STN1: variants seen among roughly 807,000 people sequenced by gnomAD.
STN1 encodes STN1 subunit of CST complex.
A neutral mutation model predicts 45.5 loss-of-function variants in STN1; 29 were observed. The ratio of observed to expected loss-of-function variants is 0.64; its 90% confidence interval spans 0.47 to 0.87. The LOEUF (loss-of-function observed/expected upper bound fraction) is 0.87. STN1 is among the 40% of genes least tolerant of loss of function. The pLI, the probability that STN1 is intolerant of heterozygous loss-of-function variation, is 0.00. For synonymous variants in STN1, 148 were observed against 159.0 expected, an observed-to-expected ratio of 0.93 and a Z score of 0.52; for missense variants, 376 against 441.4, an observed-to-expected ratio of 0.85 and a Z score of 1.33.
At chr10:103,899,130 GC>G in intron 5 of STN1, 130 bp from the exon 6 acceptor site, 1 of 893,268 alleles carries the variant, frequency 1.1e-6, no homozygotes, top group Non-Finnish European at 1.7e-6. Context: ...CCTTGTGAGT[GC>G]CCAGGGATCA....
intron 8 of STN1, among the ~76,000 whole-genome samples, chr10:103,891,252 G>A (rs1843137548): frequency 6.6e-6 from 1 of 152,218 alleles, no homozygotes; most frequent in African/African-American, 2.4e-5. Flanking sequence ...AAAAAGGAAT[G>A]TCTAAAAAAT....
intron 5 of STN1, among the ~76,000 whole-genome samples, chr10:103,899,433 G>A (rs550878117): frequency 3.9e-5 from 6 of 152,338 alleles, no homozygotes; most frequent in South Asian, 2.1e-4. Flanking sequence ...AGTGGCACAC[G>A]GCTGTAATCC....
Position 103,881,254 on chromosome 10 carries a change from G to A in STN1, c.*1430C>T, listed in dbSNP as rs1486354988. On this transcript the variant is annotated 3_prime_UTR_variant, in exon 10 of 10. Transcript: ENST00000224950. Reference sequence around the variant, plus strand: ...CCATCTCCTTGAGATAAACCCCTAAGAGCAGAGTTGCTATAGGCAAGGGTA... The same window carrying A: ...CCATCTCCTTGAGATAAACCCCTAAAAGCAGAGTTGCTATAGGCAAGGGTA... Among the ~76,000 whole-genome samples the A allele has an allele frequency of 1.3e-5, 2 of 152,168 alleles. No individual in the cohort carries two copies. The highest frequency in any genetic ancestry group is 4.8e-5 in the African/African-American group (2 of 41,432).
chr10:103,890,972 T>C (rs893418784), intron 8 of STN1, among the ~76,000 whole-genome samples: 1 of 152,182 alleles, frequency 6.6e-6, no homozygotes, highest in Non-Finnish European at 1.5e-5. Flanking sequence ...ATTAAAGGTA[T>C]GCAGCAAAAG....
In STN1 at chr10:103,878,643, G is replaced by A. The variant is rs993587309; in HGVS notation, c.*4041C>T. The A allele has an allele frequency of 2.6e-5, 4 of 152,200 alleles. No individual in the cohort carries two copies. The highest frequency in any genetic ancestry group is 9.7e-5 in the African/African-American group (4 of 41,434). The allele number at this position is 152,200 out of a possible 1,614,324, so 9.4% of individuals were successfully genotyped here. A position where few individuals can be genotyped will look rare whatever the true frequency, so the allele number is the denominator to read the frequency against. ...CTAATTATAAAAATGCCAAAGGATAGCTATGTGGGGTAAAAAGCACCTGAG... is the reference window on the plus strand; with the variant it reads ...CTAATTATAAAAATGCCAAAGGATAACTATGTGGGGTAAAAAGCACCTGAG... On this transcript the variant is annotated 3_prime_UTR_variant, in exon 10 of 10. Coordinates refer to ENST00000224950, the MANE Select transcript of STN1 (RefSeq NM_024928.5).
In STN1 at chr10:103,905,071, A is replaced by C; in HGVS notation, c.295+20T>G. On this transcript the variant is annotated intron_variant, in intron 4 of 9. Coordinates refer to ENST00000224950, the MANE Select transcript of STN1 (RefSeq NM_024928.5). ...CCATTAGTTAGGTGAAAAGTAAAGGAATGTGGCAAATAAAATTACCTGATA... is the reference window on the plus strand; with the variant it reads ...CCATTAGTTAGGTGAAAAGTAAAGGCATGTGGCAAATAAAATTACCTGATA... 6.2e-7 allele frequency: 1 copy of C among 1,607,098 alleles called. No homozygotes were observed. Among genetic ancestry groups the C allele is most frequent in the East Asian group, 2.2e-5 (1 of 44,830 alleles).
intron 3 of STN1, 50 bp from the exon 4 acceptor site, chr10:103,905,206 G>C (rs1461297727): frequency 2.7e-6 from 4 of 1,475,062 alleles, no homozygotes; most frequent in Non-Finnish European, 3.8e-6. Flanking sequence ...CAAGGCTGGT[G>C]AATTAGCATG....
chr10:103,878,377 T>C lies in STN1; in HGVS notation c.*4307A>G, dbSNP rs573136059. The C allele has an allele frequency of 7.2e-5, 11 of 152,346 alleles. No homozygotes were observed. Among genetic ancestry groups the C allele is most frequent in the African/African-American group, 2.6e-4 (11 of 41,584 alleles). 9.4% of individuals were successfully genotyped at this position (152,346 alleles called of 1,614,324 possible). A position where few individuals can be genotyped will look rare whatever the true frequency, so the allele number is the denominator to read the frequency against. On this transcript the variant is annotated 3_prime_UTR_variant, in exon 10 of 10. Coordinates refer to ENST00000224950, the MANE Select transcript of STN1 (RefSeq NM_024928.5). Reference sequence around the variant, plus strand: ...AGAGTTTTCTAAGAGTCCCTCATGTTCTTAGAGTTCTGATGTTGCTTAGAA... The same window carrying C: ...AGAGTTTTCTAAGAGTCCCTCATGTCCTTAGAGTTCTGATGTTGCTTAGAA...
At chr10:103,899,682 G>C (rs1442552067) in intron 5 of STN1, among the ~76,000 whole-genome samples, 2 of 149,862 alleles carry the variant, frequency 1.3e-5, no homozygotes, top group Non-Finnish European at 2.9e-5. Flanking sequence ...GTAAGACTCT[G>C]TCTCAAAAAA....
At chr10:103,910,459 A>T (rs554516247) in intron 3 of STN1, 68 bp downstream of exon 3, 2 of 1,084,246 alleles carry the variant, frequency 1.8e-6, no homozygotes, top group Non-Finnish European at 2.8e-6. Context: ...GGGCTGCTGA[A>T]ATCCAACTTT....
rs200248252 is a variant in STN1 at position 103,917,547 on chromosome 10, C to T, written c.48G>A (p.Leu16=). The change falls in exon 2 of 10, where the codon TTG becomes TTA. Residue 16 remains leucine (L), a synonymous_variant. Transcript: ENST00000224950. ...SRCEEETPSL[L]WGLDPVFLAF... is the part of the protein sequence containing the mutation. ...CTAGAAACACAGGATCCAAACCCCACAAGAGGGAAGGGGTCTCCTCTTCAC... is the reference window on the plus strand; with the variant it reads ...CTAGAAACACAGGATCCAAACCCCATAAGAGGGAAGGGGTCTCCTCTTCAC... 6.2e-7 allele frequency: 1 copy of T among 1,614,174 alleles called. No homozygotes were observed. The highest frequency in any genetic ancestry group is 1.7e-5 in the Admixed American group (1 of 60,032).
rs1472941944 is a variant in STN1, at chr10:103,904,974, A to G, written c.295+117T>C. The G allele has an allele frequency of 9.0e-6, 8 of 887,694 alleles. No homozygotes were observed. In the African/African-American group the frequency reaches 9.9e-5, roughly 11 times the overall value. The allele number at this position is 887,694 out of a possible 1,614,324, so 55.0% of individuals were successfully genotyped here. ...TGGGTATAGTGCTTCAGGTAGATCA[A>G]TGTAACTCACCAGCAGATAAATGTG... On this transcript the variant is annotated intron_variant, in intron 4 of 9. Coordinates refer to ENST00000224950, the MANE Select transcript of STN1 (RefSeq NM_024928.5).
intron 2 of STN1, among the ~76,000 whole-genome samples, chr10:103,914,351 TATATATATATA>T (rs1843311117): frequency 6.6e-5 from 1 of 15,144 alleles, no homozygotes; most frequent in Admixed American, 8.4e-4. Flanking sequence ...TATATATATA[TATATATATATA>T]TATATATATA....
rs1372298130 is a variant in STN1, at chr10:103,900,191, T to C, written c.328A>G (p.Thr110Ala). The change falls in exon 5 of 10, where the codon ACC becomes GCC. Residue 110 changes from threonine (T) to alanine (A), a missense_variant. Coordinates refer to ENST00000224950, the MANE Select transcript of STN1 (RefSeq NM_024928.5). ...TCTTGTAGCTTCTTAAGTTGTGAGG[T>C]TAAGCTGAGCTCTCTTGCTGCACTT... ...APSAARELSLTSQLKKLQETI... is the reference protein window; with the variant it reads ...APSAARELSLASQLKKLQETI... The C allele has an allele frequency of 6.2e-7, 1 of 1,614,172 alleles. No homozygotes were observed. Among genetic ancestry groups the C allele is most frequent in the African/African-American group, 1.3e-5 (1 of 75,062 alleles).
chr10:103,906,962 G>A (rs892908713), intron 3 of STN1, among the ~76,000 whole-genome samples: 3 of 152,142 alleles, frequency 2.0e-5, no homozygotes, highest in Non-Finnish European at 4.4e-5. Context: ...AACAGGCATC[G>A]GATTGTGAAA....
chr10:103,896,028 C>T (rs1162179945), intron 7 of STN1, among the ~76,000 whole-genome samples: 1 of 152,180 alleles, frequency 6.6e-6, no homozygotes, highest in African/African-American at 2.4e-5. Flanking sequence ...AGAGTACACA[C>T]AAGCACAGAC....
intron 9 of STN1, among the ~76,000 whole-genome samples, chr10:103,884,805 C>G (rs1843092847): frequency 6.6e-6 from 1 of 152,176 alleles, no homozygotes; most frequent in African/African-American, 2.4e-5. Context: ...AGGCCCTTTC[C>G]AACCCTAAGG....
intron 2 of STN1, among the ~76,000 whole-genome samples, chr10:103,913,721 G>A (rs895455350): frequency 2.6e-5 from 4 of 152,134 alleles, no homozygotes; most frequent in Non-Finnish European, 2.9e-5. Context: ...GAGAGCTCAG[G>A]AAAGTTGGAT....
At position 103,882,640 on chromosome 10, in the gene STN1, GC is replaced by G. The variant is rs1843076480; in HGVS notation, c.*43del. ...TGAAAGTCAGAGCCTGGGGGTGAATGCCACCTTATCTTTGTCCTCCTCAGCT... is the reference window on the plus strand; with the variant it reads ...TGAAAGTCAGAGCCTGGGGGTGAATGCACCTTATCTTTGTCCTCCTCAGCT... On this transcript the variant is annotated 3_prime_UTR_variant, in exon 10 of 10. Transcript: ENST00000224950. 1.3e-6 allele frequency: 2 copies of G among 1,558,824 alleles called. No homozygotes were observed. Among genetic ancestry groups the G allele is most frequent in the East Asian group, 4.6e-5 (2 of 43,792 alleles).
Sources: allele counts gnomAD v4.1 joint callset (sites outside exome capture counted in the v4.1 genomes callset), GRCh38; gene constraint gnomAD v4.1.1; transcripts MANE v1.5; gene names NCBI Gene and HGNC (gene_info 2026-07-23, HGNC 2026-07-21).